The following BPTF variants were observed in gnomAD, a reference collection of about 807,000 sequenced individuals.
The protein encoded by BPTF is bromodomain PHD finger transcription factor.
In BPTF, 18 loss-of-function variants were observed where a neutral mutation model predicts 292.5. That is an observed-to-expected ratio of 0.06 (90% confidence interval 0.04 to 0.09). BPTF has a LOEUF of 0.09. Ranked by LOEUF, BPTF falls within the 10% of genes least tolerant of loss-of-function variation. The pLI is 1.00. For synonymous variants in BPTF, 1,225 were observed against 1,251.9 expected (o/e 0.98, Z 0.45); for missense variants, 2,726 against 3,498.7 (o/e 0.78, Z 5.57).
chr17:67,892,447 C>G (rs1443600919), intron 5 of BPTF, among the ~76,000 whole-genome samples: 1 of 152,198 alleles, frequency 6.6e-6, no homozygotes, highest in Non-Finnish European at 1.5e-5. Context: ...GAGGATGAGG[C>G]TTACCCACTG....
intron 4 of BPTF, among the ~76,000 whole-genome samples, chr17:67,876,855 G>A (rs573601573): frequency 6.6e-6 from 1 of 152,188 alleles, no homozygotes; most frequent in Non-Finnish European, 1.5e-5. Flanking sequence ...GAAAACATAA[G>A]CAAGAAGTTT....
Position 67,912,496 on chromosome 17 carries a change from A to C in BPTF, c.4612A>C (p.Thr1538Pro). 1 of 1,613,934 alleles carries C rather than the reference A, an allele frequency of 6.2e-7. No individual in the cohort carries two copies. Among genetic ancestry groups the C allele is most frequent in the Non-Finnish European group, 8.5e-7 (1 of 1,179,934 alleles). The change falls in exon 11 of 28, where the codon ACC (threonine) becomes CCC (proline). Residue 1538 changes from threonine to proline, a missense_variant. Transcript: ENST00000306378. ...VNQVEDMEIE[T>P]SEVKKVTSSP... The stretch of plus-strand genomic sequence containing the variant: ...TCAGGTAGAAGATATGGAAATAGAA[A>C]CCTCAGAAGTTAAGAAAGTTACTTC...
At chr17:67,976,525 A>G (rs778734131) in intron 27 of BPTF, among the ~76,000 whole-genome samples, 5 of 151,808 alleles carry the variant, frequency 3.3e-5, no homozygotes, top group Non-Finnish European at 7.4e-5. Flanking sequence ...GTCTCTACAA[A>G]AATTTAAAAA....
intron 1 of BPTF, among the ~76,000 whole-genome samples, chr17:67,839,828 T>A (rs2144314728): frequency 6.6e-6 from 1 of 152,308 alleles, no homozygotes; most frequent in Admixed American, 6.5e-5. Context: ...GATTTCTGGG[T>A]TGTATGTTTA....
chr17:67,972,824 A>G (rs1478980310), intron 26 of BPTF, among the ~76,000 whole-genome samples: 6 of 151,810 alleles, frequency 4.0e-5, no homozygotes, highest in Admixed American at 2.0e-4. Flanking sequence ...TAACCAGAAC[A>G]TAATATAAGT....
At position 67,899,688 on chromosome 17, in the gene BPTF, G is replaced by C. The variant is rs141279903; in HGVS notation, c.2544-4101G>C. ...TGGTATTATAGGCGTGTGCCACCAC[G>C]ACCAGCTAATTTTTGTATTTTTAGT... is the stretch of plus-strand genomic sequence containing the variant. On this transcript the variant is annotated intron_variant, in intron 7 of 27. Transcript: ENST00000306378. Among the ~76,000 whole-genome samples, 692 of 151,848 alleles carry C rather than the reference G, an allele frequency of 4.6e-3. 5 individuals are homozygous for C. The highest frequency in any genetic ancestry group is 0.016 in the African/African-American group (649 of 41,384).
intron 4 of BPTF, among the ~76,000 whole-genome samples, chr17:67,880,403 C>T (rs749787096): frequency 5.9e-5 from 9 of 151,958 alleles, no homozygotes; most frequent in African/African-American, 1.9e-4. Context: ...TTTTTTATGA[C>T]GTCTACTATC....
In BPTF at chr17:67,982,949, A is replaced by T. The variant is rs1166636666; in HGVS notation, c.*661A>T. On this transcript the variant is annotated 3_prime_UTR_variant, in exon 28 of 28. Transcript: ENST00000306378. Reference sequence around the variant, plus strand: ...ATTAAGCTTGCATAAAGGTTGGGCTAAGTGGTCCTGGACTACAGACTCTGT... The same window carrying T: ...ATTAAGCTTGCATAAAGGTTGGGCTTAGTGGTCCTGGACTACAGACTCTGT... 6.6e-6 allele frequency: 1 copy of T among 152,298 alleles called. No homozygotes were observed. The highest frequency in any genetic ancestry group is 2.4e-5 in the African/African-American group (1 of 41,448). The allele number at this position is 152,298 out of a possible 1,614,324, so 9.4% of individuals were successfully genotyped here.
chr17:67,874,671 A>AT (rs764303775), intron 3 of BPTF, 146 bp from the exon 4 acceptor site: 7 of 554,494 alleles, frequency 1.3e-5, no homozygotes, highest in Middle Eastern at 4.9e-4. Context: ...TGTAATCTTG[A>AT]TTTTTATTTC....
At chr17:67,936,669 G>A (rs765334548) in intron 18 of BPTF, 1 of 152,154 alleles carries the variant, frequency 6.6e-6, no homozygotes, top group Non-Finnish European at 1.5e-5. Flanking sequence ...TGGCTGTGCA[G>A]TGCTCATTTA....
intron 4 of BPTF, among the ~76,000 whole-genome samples, chr17:67,888,714 G>A (rs118105213): frequency 0.048 from 7,250 of 152,196 alleles, 219 homozygotes; most frequent in South Asian, 0.11. Context: ...ATAGTAGAGG[G>A]TGTTCTTTAA....
At chr17:67,964,498 A>G in intron 25 of BPTF, 94 bp downstream of exon 25, 1 of 1,382,550 alleles carries the variant, frequency 7.2e-7, no homozygotes, top group Non-Finnish European at 9.7e-7. Flanking sequence ...TCTTAGAATG[A>G]TTATTTACTG....
At position 67,912,393 on chromosome 17, in the gene BPTF, C is replaced by G. The variant is rs1343663272; in HGVS notation, c.4509C>G (p.Thr1503=). ...GTAACTACCGAGATAGCCTTGAGAC[C>G]CTGCCATCAACCAAAGAGTCTGACA... ...AEGNYRDSLE[T]LPSTKESDST... The change falls in exon 11 of 28, where the codon ACC becomes ACG. Residue 1503 remains threonine, a synonymous_variant. Coordinates refer to ENST00000306378, the MANE Select transcript of BPTF (RefSeq NM_182641.4). 1 of 1,613,924 alleles carries G rather than the reference C, an allele frequency of 6.2e-7. No homozygotes were observed. The highest frequency in any genetic ancestry group is 8.5e-7 in the Non-Finnish European group (1 of 1,179,988).
At chr17:67,858,369 G>A (rs1275488976) in intron 2 of BPTF, among the ~76,000 whole-genome samples, 1 of 152,140 alleles carries the variant, frequency 6.6e-6, no homozygotes, top group Admixed American at 6.6e-5. Context: ...TGGTAACACG[G>A]AAACCTTTGT....
At chr17:67,843,208 A>G (rs2057715380) in intron 1 of BPTF, among the ~76,000 whole-genome samples, 1 of 127,192 alleles carries the variant, frequency 7.9e-6, no homozygotes, top group African/African-American at 2.5e-5. Context: ...ATACATGTAG[A>G]TGTATGTAGA....
intron 23 of BPTF, among the ~76,000 whole-genome samples, chr17:67,948,637 G>A (rs375121975): frequency 1.2e-4 from 19 of 152,302 alleles, no homozygotes; most frequent in East Asian, 5.8e-4. Context: ...CATGAGAAAG[G>A]TACAGAGACA....
At chr17:67,979,546 A>G (rs1670522013) in intron 27 of BPTF, among the ~76,000 whole-genome samples, 2 of 152,178 alleles carry the variant, frequency 1.3e-5, no homozygotes, top group Non-Finnish European at 2.9e-5. Flanking sequence ...CTCCGTCTCA[A>G]AGATAATAAA....
chr17:67,886,063 T>C (rs2060730243), intron 4 of BPTF: 3 of 1,222,986 alleles, frequency 2.5e-6, no homozygotes, highest in Non-Finnish European at 2.3e-6. Context: ...ACAATTGTCT[T>C]TTCTGACAAT....
In BPTF at chr17:67,911,423, C is replaced by G; in HGVS notation, c.3539C>G (p.Pro1180Arg). 1 of 1,613,956 alleles carries G rather than the reference C, an allele frequency of 6.2e-7. No homozygotes were observed. The highest frequency in any genetic ancestry group is 1.3e-5 in the African/African-American group (1 of 75,012). ...ATTCGGAGCCCAGAAACAAAATGTC[C>G]GAAACAAAATTCCATTGAAAATGAC... is the stretch of plus-strand genomic sequence containing the variant. ...VSIRSPETKC[P>R]KQNSIENDIE... Residue 1180 changes from proline (P) to arginine (R), a missense_variant, in exon 11 of 28, where the codon CCG becomes CGG. Pro to Arg is a moderately radical substitution (Grantham distance 103). This residue lies in a region of BPTF where 713 missense variants were observed against 714.9 expected (regional missense o/e 1.00). Coordinates refer to ENST00000306378, the MANE Select transcript of BPTF (RefSeq NM_182641.4).
Sources: gnomAD v4.1 joint callset for allele counts (sites outside exome capture counted in the v4.1 genomes callset) on GRCh38, gnomAD v4.1.1 for gene constraint, gnomAD v4.1.1 regional missense constraint, MANE v1.5 for transcripts, NCBI Gene and HGNC (gene_info 2026-07-23, HGNC 2026-07-21) for gene names.